Variants in TRABD2B observed in about 807,000 individuals in gnomAD.
TRABD2B encodes the protein TraB domain containing 2B.
TRABD2B carries 14 observed loss-of-function variants against 40.1 expected under a neutral mutation model. The observed-to-expected ratio is 0.35, with a 90% CI of 0.23 to 0.55. TRABD2B has a LOEUF of 0.55. Ranked by LOEUF, TRABD2B falls within the 20% of genes least tolerant of loss-of-function variation. The pLI is 0.90. For synonymous variants in TRABD2B, 263 were observed against 277.0 expected (o/e 0.95, Z 0.50); for missense variants, 541 against 648.6 (o/e 0.83, Z 1.80).
At chr1:47,919,418 C>T (rs1299094222) in intron 2 of TRABD2B, among the ~76,000 whole-genome samples, 2 of 152,170 alleles carry the variant, frequency 1.3e-5, no homozygotes, top group African/African-American at 4.8e-5. Flanking sequence ...TTAAAAGCTG[C>T]CTGGAGCTGT....
intron 2 of TRABD2B, among the ~76,000 whole-genome samples, chr1:47,888,774 C>G (rs1644406547): frequency 6.6e-6 from 1 of 152,182 alleles, no homozygotes; most frequent in Non-Finnish European, 1.5e-5. Flanking sequence ...CCAGTGTGAT[C>G]CTTGTCCCTT....
intron 2 of TRABD2B, among the ~76,000 whole-genome samples, chr1:47,954,513 G>A (rs557940964): frequency 6.6e-6 from 1 of 152,300 alleles, no homozygotes; most frequent in East Asian, 1.9e-4. Context: ...GGAGAGGGAG[G>A]AGCCATGGGC....
intron 2 of TRABD2B, among the ~76,000 whole-genome samples, chr1:47,977,788 A>C (rs1019452370): frequency 6.6e-6 from 1 of 152,018 alleles, no homozygotes; most frequent in Admixed American, 6.6e-5. Context: ...ATGCCTCTGG[A>C]TTCTGAGTTA....
At chr1:47,822,533 ACT>A (rs1645124943) in intron 2 of TRABD2B, among the ~76,000 whole-genome samples, 1 of 151,670 alleles carries the variant, frequency 6.6e-6, no homozygotes, top group South Asian at 2.1e-4. Flanking sequence ...TCACTCTGTG[ACT>A]CTGGGCCAGT....
At chr1:47,914,977 G>C (rs954944796) in intron 2 of TRABD2B, among the ~76,000 whole-genome samples, 1 of 152,226 alleles carries the variant, frequency 6.6e-6, no homozygotes, top group African/African-American at 2.4e-5. Flanking sequence ...TCATGGGGAA[G>C]ACAGACATGA....
intron 4 of TRABD2B, among the ~76,000 whole-genome samples, chr1:47,788,962 G>A (rs1270876182): frequency 6.6e-6 from 1 of 152,134 alleles, no homozygotes; most frequent in African/African-American, 2.4e-5. Flanking sequence ...TAAATATCCT[G>A]AGAAACCTGT....
intron 2 of TRABD2B, among the ~76,000 whole-genome samples, chr1:47,874,932 G>A (rs926872186): frequency 1.3e-5 from 2 of 152,006 alleles, no homozygotes; most frequent in African/African-American, 4.8e-5. Context: ...AACAAGAAGT[G>A]GTTATTCTTG....
intron 4 of TRABD2B, among the ~76,000 whole-genome samples, chr1:47,789,468 C>T (rs945621662): frequency 6.6e-6 from 1 of 152,182 alleles, no homozygotes; most frequent in Non-Finnish European, 1.5e-5. Flanking sequence ...TATACCATAA[C>T]GTTCCAGGCA....
In TRABD2B at chr1:47,898,434, G is replaced by A. The variant is rs1486472440; in HGVS notation, c.666+95600C>T. Among the ~76,000 whole-genome samples the A allele has an allele frequency of 2.0e-5, 3 of 152,216 alleles. 1 individual carries two copies. Among genetic ancestry groups the A allele is most frequent in the African/African-American group, 4.8e-5 (2 of 41,460 alleles). The stretch of plus-strand genomic sequence containing the variant: ...ATGGCAGAAGTTTGCCTGGAGGCCA[G>A]GAAAGAAAAACACACAGAAAAGGAG... On this transcript the variant is annotated intron_variant, in intron 2 of 6. Transcript: ENST00000606738.
chr1:47,937,138 T>C (rs534056505), intron 2 of TRABD2B, among the ~76,000 whole-genome samples: 1 of 144,182 alleles, frequency 6.9e-6, no homozygotes, highest in East Asian at 2.1e-4. Context: ...ATCACCATCA[T>C]TACCACTACC....
intron 2 of TRABD2B, among the ~76,000 whole-genome samples, chr1:47,982,441 T>C (rs930590482): frequency 1.3e-5 from 2 of 152,158 alleles, no homozygotes; most frequent in African/African-American, 4.8e-5. Context: ...TTTTTTCAGA[T>C]ATGGAAACAG....
chr1:47,940,828 A>G (rs990425808), intron 2 of TRABD2B, among the ~76,000 whole-genome samples: 1 of 152,256 alleles, frequency 6.6e-6, no homozygotes, highest in African/African-American at 2.4e-5. Context: ...GGGAATCTCG[A>G]GAGCATGGCA....
intron 2 of TRABD2B, among the ~76,000 whole-genome samples, chr1:47,951,911 C>T (rs924146305): frequency 7.2e-5 from 11 of 152,194 alleles, no homozygotes; most frequent in African/African-American, 2.7e-4. Context: ...GGTTCCCTCC[C>T]GTGTCCTTTT....
At chr1:47,954,249 C>T (rs1645386675) in intron 2 of TRABD2B, among the ~76,000 whole-genome samples, 1 of 152,136 alleles carries the variant, frequency 6.6e-6, no homozygotes, top group African/African-American at 2.4e-5. Context: ...CTACCACCTT[C>T]CACTCTGACT....
At chr1:47,778,677 G>A (rs1569903994) in intron 4 of TRABD2B, 133 bp from the exon 5 acceptor site, 1 of 682,554 alleles carries the variant, frequency 1.5e-6, no homozygotes, top group East Asian at 2.7e-5. Context: ...GATTCCCTGA[G>A]AGGCAGTATA....
intron 4 of TRABD2B, among the ~76,000 whole-genome samples, chr1:47,784,889 C>T (rs1379563191): frequency 6.6e-6 from 1 of 152,198 alleles, no homozygotes; most frequent in African/African-American, 2.4e-5. Flanking sequence ...AGTCCCCTCC[C>T]CTGAGGAGGT....
chr1:47,821,812 T>C (rs1341700666), intron 2 of TRABD2B, among the ~76,000 whole-genome samples: 1 of 152,112 alleles, frequency 6.6e-6, no homozygotes, highest in Admixed American at 6.6e-5. Context: ...TCAACCCTGG[T>C]CACCCTCTTT....
At chr1:47,890,279 T>G (rs1486748089) in intron 2 of TRABD2B, among the ~76,000 whole-genome samples, 1 of 152,162 alleles carries the variant, frequency 6.6e-6, no homozygotes, top group Non-Finnish European at 1.5e-5. Flanking sequence ...GTGGCTGTGA[T>G]GGATGTAATA....
intron 2 of TRABD2B, among the ~76,000 whole-genome samples, chr1:47,849,267 G>A (rs901649493): frequency 6.6e-6 from 1 of 152,222 alleles, no homozygotes; most frequent in Non-Finnish European, 1.5e-5. Flanking sequence ...CTTATAAAAA[G>A]AGGTGGATTG....
Sources: allele counts gnomAD v4.1 joint callset (sites outside exome capture counted in the v4.1 genomes callset), GRCh38; gene constraint gnomAD v4.1.1; transcripts MANE v1.5; gene names NCBI Gene and HGNC (gene_info 2026-07-23, HGNC 2026-07-21).